DRC10: variants seen among roughly 807,000 people sequenced by gnomAD.
DRC10 encodes the protein dynein regulatory complex subunit 10.
chr12:113,203,777 ATTTTT>A, the DRC10 span, among the ~76,000 whole-genome samples: 232 of 96,954 alleles, frequency 2.4e-3, no homozygotes, highest in Admixed American at 3.3e-3. Context: ...TGCCCAGCTA[ATTTTT>A]TTTTTTTTTT....
chr12:113,206,432 A>G, the DRC10 span, among the ~76,000 whole-genome samples: 1 of 151,852 alleles, frequency 6.6e-6, no homozygotes, highest in Non-Finnish European at 1.5e-5. Flanking sequence ...TCTTTTGGGA[A>G]GTTCTAAATT....
chr12:113,207,329 C>T, the DRC10 span: 3 of 917,638 alleles, frequency 3.3e-6, no homozygotes, highest in Non-Finnish European at 5.4e-6. Flanking sequence ...GTCTGGACAA[C>T]AGAGCGAGAC....
At chr12:113,195,819 T>C in the DRC10 span, 1 of 1,613,958 alleles carries the variant, frequency 6.2e-7, no homozygotes, top group Non-Finnish European at 8.5e-7. Context: ...CAGCACTTTG[T>C]GCCTCCGCCT....
the DRC10 span, chr12:113,208,456 G>C: frequency 1.4e-6 from 1 of 728,362 alleles, no homozygotes; most frequent in Non-Finnish European, 1.9e-6. Context: ...CAAGTGTGGA[G>C]GCATCTCAGG....
chr12:113,200,623 T>C, the DRC10 span: 6 of 1,511,310 alleles, frequency 4.0e-6, no homozygotes, highest in Admixed American at 6.0e-5. Context: ...CATGACCAGG[T>C]TGTAAAACTG....
At chr12:113,196,301 G>C in the DRC10 span, among the ~76,000 whole-genome samples, 1 of 152,180 alleles carries the variant, frequency 6.6e-6, no homozygotes, top group Non-Finnish European at 1.5e-5. Flanking sequence ...CAGGCACACA[G>C]TGGGGACACA....
the DRC10 span, among the ~76,000 whole-genome samples, chr12:113,205,779 C>T: frequency 2.0e-5 from 3 of 150,632 alleles, no homozygotes; most frequent in African/African-American, 7.4e-5. Context: ...GTCCCAGCTA[C>T]TCGGGAGGCT....
the DRC10 span, among the ~76,000 whole-genome samples, chr12:113,214,507 C>CAAAA: frequency 8.0e-5 from 4 of 50,238 alleles, no homozygotes; most frequent in Admixed American, 2.0e-4. Context: ...GACTCCGTCT[C>CAAAA]AAAAAAAAAA....
the DRC10 span, among the ~76,000 whole-genome samples, chr12:113,209,541 G>A: frequency 2.0e-5 from 3 of 152,204 alleles, no homozygotes; most frequent in Admixed American, 6.5e-5. Flanking sequence ...ATAGGTGCTC[G>A]ATGCCTAGCT....
the DRC10 span, chr12:113,207,674 C>A: frequency 6.2e-7 from 1 of 1,613,886 alleles, no homozygotes. Context: ...AGCCTAGCAG[C>A]CTGGGGGTTG....
the DRC10 span, chr12:113,195,639 C>T: frequency 6.2e-7 from 1 of 1,613,130 alleles, no homozygotes; most frequent in Admixed American, 1.7e-5. Context: ...CTTTGCTTTG[C>T]CCTTGCCCCG....
the DRC10 span, among the ~76,000 whole-genome samples, chr12:113,213,199 A>ACC: frequency 3.3e-5 from 5 of 150,790 alleles, no homozygotes; most frequent in African/African-American, 7.3e-5. Flanking sequence ...AAAAAAAAAA[A>ACC]AAAAACCAAA....
At chr12:113,201,728 T>C in the DRC10 span, among the ~76,000 whole-genome samples, 1 of 152,226 alleles carries the variant, frequency 6.6e-6, no homozygotes, top group African/African-American at 2.4e-5. Flanking sequence ...AGCGGTGCTA[T>C]GGCTGCTCAC....
the DRC10 span, among the ~76,000 whole-genome samples, chr12:113,208,753 C>G: frequency 6.6e-6 from 1 of 152,128 alleles, no homozygotes; most frequent in Admixed American, 6.5e-5. Flanking sequence ...GAGAAATACC[C>G]TGGTTTCTTT....
At chr12:113,199,020 C>T in the DRC10 span, among the ~76,000 whole-genome samples, 1 of 151,516 alleles carries the variant, frequency 6.6e-6, no homozygotes, top group Admixed American at 6.6e-5. Context: ...TCACCGCAAC[C>T]CCCGCCTCCT....
the DRC10 span, among the ~76,000 whole-genome samples, chr12:113,215,295 C>T: frequency 7.2e-5 from 11 of 152,272 alleles, no homozygotes; most frequent in Middle Eastern, 3.4e-3. Context: ...TAAGCCTTGA[C>T]GTTCTACCTG....
the DRC10 span, among the ~76,000 whole-genome samples, chr12:113,209,998 C>T: frequency 1.3e-5 from 2 of 152,148 alleles, no homozygotes; most frequent in Non-Finnish European, 2.9e-5. Flanking sequence ...TGGTGGTACG[C>T]ACCTGTTACT....
At chr12:113,204,627 A>G in the DRC10 span, among the ~76,000 whole-genome samples, 1 of 152,252 alleles carries the variant, frequency 6.6e-6, no homozygotes, top group Admixed American at 6.5e-5. Context: ...GGCCCTTTGT[A>G]GAAAAAGTTG....
the DRC10 span, among the ~76,000 whole-genome samples, chr12:113,218,304 T>TA: frequency 9.0e-6 from 1 of 110,582 alleles, no homozygotes; most frequent in Non-Finnish European, 1.7e-5. Flanking sequence ...GCGCAGCTAA[T>TA]TTTTTTTTTT....
Sources: gnomAD v4.1 joint callset for allele counts (sites outside exome capture counted in the v4.1 genomes callset) on GRCh38, gnomAD v4.1.1 for gene constraint, MANE v1.5 for transcripts, NCBI Gene and HGNC (gene_info 2026-07-23, HGNC 2026-07-21) for gene names.